The following MCC variants were observed in gnomAD, a reference collection of about 807,000 sequenced individuals.
The protein encoded by MCC is colorectal mutant cancer protein.
MCC carries 90 observed loss-of-function variants against 116.2 expected under a neutral mutation model. That is an observed-to-expected ratio of 0.77 (90% CI 0.65 to 0.92). The LOEUF (loss-of-function observed/expected upper bound fraction) is 0.92, where lower values mean the gene tolerates loss of function less well. Ranked by LOEUF, MCC falls within the 40% of genes least tolerant of loss-of-function variation. The pLI is 0.00. For synonymous variants in MCC, 578 were observed against 510.5 expected, an observed-to-expected ratio of 1.13 and a Z score of -1.78; for missense variants, 1,516 against 1,312.2, an observed-to-expected ratio of 1.16 and a Z score of -2.40.
chr5:113,145,887 TCTAA>T (rs1424851296), intron 4 of MCC, among the ~76,000 whole-genome samples: 1 of 152,152 alleles, frequency 6.6e-6, no homozygotes, highest in African/African-American at 2.4e-5. Context: ...TTCCCCTGCC[TCTAA>T]CTGAGAAGCC....
intron 6 of MCC, among the ~76,000 whole-genome samples, chr5:113,113,380 T>A (rs894960055): frequency 1.3e-5 from 2 of 151,830 alleles, no homozygotes; most frequent in Admixed American, 1.3e-4. Context: ...CAAAGTAACA[T>A]AGAAAATTAG....
intron 1 of MCC, among the ~76,000 whole-genome samples, chr5:113,430,261 A>G (rs995957869): frequency 5.9e-5 from 9 of 152,238 alleles, no homozygotes; most frequent in Non-Finnish European, 1.0e-4. Flanking sequence ...AATTAGCTCC[A>G]CTGAGCTAGG....
intron 1 of MCC, among the ~76,000 whole-genome samples, chr5:113,469,128 A>C (rs938099661): frequency 1.1e-4 from 17 of 152,132 alleles, no homozygotes; most frequent in African/African-American, 3.6e-4. Context: ...CTTTTCAAAA[A>C]ACCAGCTCCT....
At chr5:113,278,853 T>G (rs950967193) in intron 3 of MCC, among the ~76,000 whole-genome samples, 3 of 152,242 alleles carry the variant, frequency 2.0e-5, no homozygotes, top group African/African-American at 7.2e-5. Context: ...TCTTGAAACC[T>G]TTAATAACTG....
chr5:113,143,643 C>T (rs1007620842), intron 4 of MCC, among the ~76,000 whole-genome samples: 3 of 152,198 alleles, frequency 2.0e-5, no homozygotes, highest in African/African-American at 7.2e-5. Context: ...CTATTCAAGT[C>T]CCCCACTTTC....
chr5:113,127,186 A>AT (rs1758105188), intron 5 of MCC, among the ~76,000 whole-genome samples: 1 of 152,260 alleles, frequency 6.6e-6, no homozygotes, highest in Middle Eastern at 3.4e-3. Flanking sequence ...ATGAGCTTGT[A>AT]TTTTTTATGG....
intron 3 of MCC, among the ~76,000 whole-genome samples, chr5:113,259,097 C>T (rs1652879765): frequency 6.6e-6 from 1 of 152,112 alleles, no homozygotes. Flanking sequence ...TTTACAACAG[C>T]AAAATGCAAG....
At chr5:113,113,262 C>T (rs564213111) in intron 6 of MCC, among the ~76,000 whole-genome samples, 25 of 152,190 alleles carry the variant, frequency 1.6e-4, no homozygotes, top group Non-Finnish European at 3.2e-4. Context: ...CTCGTTGTAG[C>T]TCTACGGCTG....
At chr5:113,386,070 G>A (rs1769247980) in intron 1 of MCC, among the ~76,000 whole-genome samples, 1 of 152,184 alleles carries the variant, frequency 6.6e-6, no homozygotes, top group Admixed American at 6.5e-5. Context: ...TACAAGTCTT[G>A]TTCTTTTCTC....
chr5:113,243,638 A>T (rs1287051279), intron 3 of MCC, among the ~76,000 whole-genome samples: 3 of 152,202 alleles, frequency 2.0e-5, no homozygotes, highest in Non-Finnish European at 4.4e-5. Context: ...TTTCTGGAAA[A>T]CAATTCAAAG....
chr5:113,441,266 C>T (rs542013950), intron 1 of MCC, among the ~76,000 whole-genome samples: 1 of 151,988 alleles, frequency 6.6e-6, no homozygotes, highest in Non-Finnish European at 1.5e-5. Flanking sequence ...ACCCAGGAGG[C>T]GGAGGTTACA....
chr5:113,059,005 C>T (rs920881378), intron 14 of MCC, among the ~76,000 whole-genome samples: 4 of 152,214 alleles, frequency 2.6e-5, no homozygotes, highest in Admixed American at 6.5e-5. Flanking sequence ...GAGAAATCAC[C>T]TAGCCCTAAC....
At position 113,053,933 on chromosome 5, in the gene MCC, C is replaced by T. The variant is rs771719490; in HGVS notation, c.2240G>A (p.Cys747Tyr). Residue 747 changes from cysteine (C) to tyrosine (Y), a missense_variant, in exon 15 of 19, where the codon TGC (cysteine) becomes TAC (tyrosine). Cys to Tyr is a radical substitution (Grantham distance 194). Coordinates refer to ENST00000408903, the MANE Select transcript of MCC (RefSeq NM_001085377.2). Reference protein sequence around the residue: ...TSTTSSTASSCDTEFTKEDEQ... With the variant: ...TSTTSSTASSYDTEFTKEDEQ... ...GTCTTCTTTAGTGAACTCGGTGTCG[C>T]AACTACTGGCTGTGGAGCTGGTTGT... The T allele has an allele frequency of 2.5e-6, 4 of 1,613,228 alleles. No individual in the cohort carries two copies. The highest frequency in any genetic ancestry group is 1.3e-5 in the African/African-American group (1 of 75,004).
chr5:113,234,619 C>T (rs1284286011), intron 3 of MCC: 1 of 152,130 alleles, frequency 6.6e-6, no homozygotes, highest in Admixed American at 6.6e-5. Context: ...TCCAATTTCC[C>T]TTTAAAAATA....
At chr5:113,051,609 C>T (rs1389260174) in intron 15 of MCC, among the ~76,000 whole-genome samples, 4 of 152,072 alleles carry the variant, frequency 2.6e-5, no homozygotes, top group African/African-American at 4.8e-5. Flanking sequence ...CCTGTAGTCC[C>T]GGCTACTCGG....
intron 3 of MCC, among the ~76,000 whole-genome samples, chr5:113,162,382 A>G (rs1760536433): frequency 1.3e-5 from 2 of 152,242 alleles, no homozygotes; most frequent in Admixed American, 1.3e-4. Flanking sequence ...ACTCATCTTT[A>G]AAATGGGAAC....
chr5:113,031,716 G>T (rs963272055), intron 17 of MCC, among the ~76,000 whole-genome samples: 2 of 152,104 alleles, frequency 1.3e-5, no homozygotes, highest in Non-Finnish European at 2.9e-5. Flanking sequence ...CAGTGAACAG[G>T]GAGACTGGAA....
chr5:113,269,000 G>A (rs529276640), intron 3 of MCC, among the ~76,000 whole-genome samples: 2 of 152,238 alleles, frequency 1.3e-5, no homozygotes, highest in African/African-American at 4.8e-5. Context: ...GAAGCAAAAG[G>A]TATCAAAGGA....
intron 3 of MCC, among the ~76,000 whole-genome samples, chr5:113,164,552 T>C (rs959921523): frequency 6.6e-6 from 1 of 152,196 alleles, no homozygotes; most frequent in African/African-American, 2.4e-5. Context: ...GAATTCTGCC[T>C]AGCTCATTCT....
Sources: allele counts gnomAD v4.1 joint callset (sites outside exome capture counted in the v4.1 genomes callset), GRCh38; gene constraint gnomAD v4.1.1; transcripts MANE v1.5; gene names NCBI Gene and HGNC (gene_info 2026-07-23, HGNC 2026-07-21).